The following RAF1 variants were observed in gnomAD, a reference collection of about 807,000 sequenced individuals.
The protein encoded by RAF1 is RAF proto-oncogene serine/threonine-protein kinase.
RAF1 carries 27 observed loss-of-function variants against 81.1 expected under a neutral mutation model. The observed-to-expected ratio is 0.33, with a 90% CI of 0.25 to 0.46. The LOEUF is 0.46. Among genes scored for constraint, RAF1 ranks in the 20% least tolerant of loss-of-function variants. The pLI is 1.00. For missense variants in RAF1, 598 were observed against 826.0 expected, an observed-to-expected ratio of 0.72 and a Z score of 3.38; for synonymous variants, 298 against 294.0, an observed-to-expected ratio of 1.01 and a Z score of -0.14.
In RAF1 at chr3:12,600,405, C is replaced by T. The variant is rs752713997; in HGVS notation, c.905G>A (p.Arg302Gln). 4.8e-5 allele frequency: 78 copies of T among 1,613,994 alleles called. No homozygotes were observed. The highest frequency in any genetic ancestry group is 6.4e-5 in the Non-Finnish European group (75 of 1,180,022). Residue 302 changes from arginine to glutamine, a missense_variant, in exon 9 of 18, where the codon CGA becomes CAA. Coordinates refer to ENST00000442415, the MANE Select transcript of RAF1 (RefSeq NM_001354689.3). ...AAAAGTACCTGATTCGCTGTGACTT[C>T]GAATTGCATCCTGAAACAGAAAAGG...
chr3:12,627,197 T>C (rs1042040432), intron 1 of RAF1, among the ~76,000 whole-genome samples: 2 of 152,152 alleles, frequency 1.3e-5, no homozygotes, highest in East Asian at 3.8e-4. Context: ...ACATAGTGTA[T>C]TCATAATTTA....
intron 1 of RAF1, among the ~76,000 whole-genome samples, chr3:12,638,186 T>G (rs934034276): frequency 6.6e-6 from 1 of 152,252 alleles, no homozygotes; most frequent in African/African-American, 2.4e-5. Flanking sequence ...TTCACCCTTA[T>G]AACCCACTGC....
intron 1 of RAF1, among the ~76,000 whole-genome samples, chr3:12,663,592 T>C (rs534021351): frequency 6.6e-6 from 1 of 152,238 alleles, no homozygotes; most frequent in East Asian, 1.9e-4. Context: ...CACAAGGAAA[T>C]TTGAGTGGGA....
chr3:12,593,471 T>A (rs76521226), intron 11 of RAF1, among the ~76,000 whole-genome samples: 2 of 149,916 alleles, frequency 1.3e-5, no homozygotes, highest in Non-Finnish European at 3.0e-5. Context: ...GGTTTTATCA[T>A]CTAAAGTTTC....
intron 1 of RAF1, among the ~76,000 whole-genome samples, chr3:12,647,854 A>G (rs1011146401): frequency 2.0e-5 from 3 of 152,268 alleles, no homozygotes; most frequent in African/African-American, 7.2e-5. Flanking sequence ...ATAAACACAC[A>G]TGAAGAAATA....
chr3:12,615,023 A>G (rs1474999534), intron 2 of RAF1, among the ~76,000 whole-genome samples: 2 of 152,252 alleles, frequency 1.3e-5, no homozygotes, highest in African/African-American at 4.8e-5. Flanking sequence ...TAATCCAGTC[A>G]GATTCCCAAA....
intron 11 of RAF1, among the ~76,000 whole-genome samples, chr3:12,598,209 C>A (rs1159473460): frequency 6.6e-6 from 1 of 151,622 alleles, no homozygotes; most frequent in Non-Finnish European, 1.5e-5. Flanking sequence ...TGGGGTTTCA[C>A]GATGTTGCCC....
At chr3:12,632,603 AAAAG>A (rs1183321682) in intron 1 of RAF1, among the ~76,000 whole-genome samples, 4 of 152,206 alleles carry the variant, frequency 2.6e-5, no homozygotes, top group Admixed American at 6.5e-5. Context: ...TCAGCAACTT[AAAAG>A]AAAGAGACTA....
At position 12,609,403 on chromosome 3, in the gene RAF1, C is replaced by G. The variant is rs538443368; in HGVS notation, c.321-68G>C. 99 of 1,047,358 alleles carry G rather than the reference C, an allele frequency of 9.5e-5. No individual in the cohort carries two copies. In the African/African-American group the frequency reaches 1.3e-3, roughly 14 times the overall value. 64.9% of individuals were successfully genotyped at this position (1,047,358 alleles called of 1,614,324 possible). A position where few individuals can be genotyped will look rare whatever the true frequency, so the allele number is the denominator to read the frequency against. ...CAAAGTTCAATAGAAATAACAACAG[C>G]TACCATTTATCACATGCCATATAAA... On this transcript the variant is annotated intron_variant, in intron 3 of 17. Transcript: ENST00000442415.
chr3:12,583,832 CTGGAAGACAAAATTCAGCATGA>C lies in RAF1; in HGVS notation c.*660_*681del. ...CGGCCCCGCCCCATAGGGGCAGCTC[CTGGAAGACAAAATTCAGCATGA>C]TGGAAGACTGCTCCCTGAGAGGGCT... is the stretch of plus-strand genomic sequence containing the variant. On this transcript the variant is annotated 3_prime_UTR_variant, in exon 18 of 18. Coordinates refer to ENST00000442415, the MANE Select transcript of RAF1 (RefSeq NM_001354689.3). 1 of 234,336 alleles carries C rather than the reference CTGGAAGACAAAATTCAGCATGA, an allele frequency of 4.3e-6. No homozygotes were observed. The highest frequency in any genetic ancestry group is 8.4e-6 in the Non-Finnish European group (1 of 118,554). 14.5% of individuals were successfully genotyped at this position (234,336 alleles called of 1,614,324 possible).
At chr3:12,661,746 G>C (rs1466187959) in intron 1 of RAF1, among the ~76,000 whole-genome samples, 3 of 152,076 alleles carry the variant, frequency 2.0e-5, no homozygotes, top group Non-Finnish European at 4.4e-5. Flanking sequence ...AAATTAGTAG[G>C]AGAGTGTTCT....
intron 5 of RAF1, among the ~76,000 whole-genome samples, chr3:12,606,630 T>A (rs1382352062): frequency 1.3e-5 from 2 of 151,872 alleles, no homozygotes; most frequent in Admixed American, 6.6e-5. Flanking sequence ...AACCTCCACC[T>A]CCCGGGTTCT....
intron 1 of RAF1, among the ~76,000 whole-genome samples, chr3:12,631,816 T>C (rs1439399304): frequency 1.3e-5 from 2 of 152,164 alleles, no homozygotes; most frequent in Non-Finnish European, 2.9e-5. Context: ...GGGATCCTTC[T>C]AATTCACATG....
intron 1 of RAF1, among the ~76,000 whole-genome samples, chr3:12,654,486 C>T (rs1245439811): frequency 2.0e-5 from 3 of 151,628 alleles, no homozygotes; most frequent in Non-Finnish European, 4.4e-5. Flanking sequence ...CCTGTAGTCC[C>T]AGCTACTCAG....
intron 1 of RAF1, among the ~76,000 whole-genome samples, chr3:12,633,633 TA>T (rs34440484): frequency 0.43 from 62,237 of 146,438 alleles, 14,634 homozygotes; most frequent in African/African-American, 0.64. Flanking sequence ...CTTTTACAGT[TA>T]AAAAAAAAAA....
intron 17 of RAF1, 28 bp downstream of exon 16, chr3:12,584,817 TAA>T: frequency 6.2e-7 from 1 of 1,613,988 alleles, no homozygotes; most frequent in Non-Finnish European, 8.5e-7. Context: ...ACCCATGCTT[TAA>T]TCACATTCTA....
rs1388920468 is a variant in RAF1 at position 12,604,296 on chromosome 3, G to A, written c.681-7C>T. On this transcript the variant is annotated splice_region_variant and splice_polypyrimidine_tract_variant and intron_variant, in intron 6 of 17. Coordinates refer to ENST00000442415, the MANE Select transcript of RAF1 (RefSeq NM_001354689.3). ...AGAATATCTGTGCTGAGAACTAGGA[G>A]GAGAAAGAAAATTCCATGATTGGCA... The A allele has an allele frequency of 6.2e-7, 1 of 1,613,480 alleles. No homozygotes were observed.
At chr3:12,652,718 C>T (rs920842157) in intron 1 of RAF1, among the ~76,000 whole-genome samples, 4 of 151,918 alleles carry the variant, frequency 2.6e-5, no homozygotes, top group African/African-American at 7.2e-5. Flanking sequence ...GAGGCAGAGG[C>T]GGGTGGATCA....
intron 1 of RAF1, among the ~76,000 whole-genome samples, chr3:12,632,026 A>C (rs1054417923): frequency 2.0e-5 from 3 of 152,242 alleles, no homozygotes; most frequent in Middle Eastern, 3.4e-3. Context: ...TAAATGTTTG[A>C]TAATAAATTA....
Sources: gnomAD v4.1 joint callset for allele counts (sites outside exome capture counted in the v4.1 genomes callset) on GRCh38, gnomAD v4.1.1 for gene constraint, MANE v1.5 for transcripts, NCBI Gene and HGNC (gene_info 2026-07-23, HGNC 2026-07-21) for gene names.